The following CABP5 variants were observed in gnomAD, a reference collection of about 807,000 sequenced individuals.
CABP5 encodes calcium-binding protein 5.
Under a neutral mutation model 21.9 loss-of-function variants are expected in CABP5, and 17 were observed. The observed-to-expected ratio is 0.78, with a 90% CI of 0.53 to 1.17. CABP5 has a LOEUF of 1.17. CABP5 is among the 50% of genes most tolerant of loss of function. The pLI, the probability that CABP5 is intolerant of heterozygous loss-of-function variation, is 0.00. For synonymous variants in CABP5, 85 were observed against 79.4 expected, an observed-to-expected ratio of 1.07 and a Z score of -0.37; for missense variants, 229 against 228.9, an observed-to-expected ratio of 1.00 and a Z score of 0.00.
chr19:48,042,527 C>T (rs929951635), intron 1 of CABP5, among the ~76,000 whole-genome samples: 2 of 151,976 alleles, frequency 1.3e-5, no homozygotes, highest in Non-Finnish European at 2.9e-5. Context: ...GCTTCTCTTT[C>T]ATCTGATCCC....
intron 4 of CABP5, among the ~76,000 whole-genome samples, chr19:48,035,481 C>T (rs140650292): frequency 2.0e-3 from 306 of 152,292 alleles, no homozygotes; most frequent in Non-Finnish European, 3.2e-3. Flanking sequence ...CCTGTAGTCC[C>T]GGCTACTCGA....
At chr19:48,038,868 T>A (rs544510912) in intron 4 of CABP5, among the ~76,000 whole-genome samples, 3 of 152,124 alleles carry the variant, frequency 2.0e-5, no homozygotes, top group East Asian at 3.9e-4. Flanking sequence ...GATGGCAGGA[T>A]CTTGGATAAG....
At chr19:48,032,657 G>A (rs781135176) in intron 5 of CABP5, among the ~76,000 whole-genome samples, 1 of 132,228 alleles carries the variant, frequency 7.6e-6, no homozygotes, top group Non-Finnish European at 1.8e-5. Flanking sequence ...TTTTGAGATG[G>A]AGTCTCACTG....
chr19:48,033,617 G>T (rs1427700075), intron 5 of CABP5, among the ~76,000 whole-genome samples: 9 of 152,186 alleles, frequency 5.9e-5, no homozygotes, highest in Admixed American at 5.9e-4. Context: ...TTAGCCAGGG[G>T]AGAGGGGAAA....
chr19:48,038,924 G>A (rs1233481957), intron 4 of CABP5, among the ~76,000 whole-genome samples: 2 of 152,088 alleles, frequency 1.3e-5, no homozygotes, highest in Non-Finnish European at 2.9e-5. Context: ...GTTTAATTGG[G>A]ATACATGACT....
Position 48,034,198 on chromosome 19 carries a change from C to A in CABP5, c.496+17G>T. The A allele has an allele frequency of 6.5e-7, 1 of 1,531,918 alleles. No homozygotes were observed. Among genetic ancestry groups the A allele is most frequent in the Non-Finnish European group, 8.8e-7 (1 of 1,136,980 alleles). 94.9% of individuals were successfully genotyped at this position (1,531,918 alleles called of 1,614,324 possible). A position where few individuals can be genotyped will look rare whatever the true frequency, so the allele number is the denominator to read the frequency against. On this transcript the variant is annotated intron_variant, in intron 5 of 5. Coordinates refer to ENST00000293255, the MANE Select transcript of CABP5 (RefSeq NM_019855.5). ...CGGTGGCTGCCCCCGCTCCCCACCA[C>A]GCCCCGTCAATGTCACCTTCAAAGT... is the stretch of plus-strand genomic sequence containing the variant.
In CABP5 at chr19:48,030,350, C is replaced by G; in HGVS notation, c.*207G>C. 1 of 517,492 alleles carries G rather than the reference C, an allele frequency of 1.9e-6. No homozygotes were observed. Among genetic ancestry groups the G allele is most frequent in the Non-Finnish European group, 3.4e-6 (1 of 291,184 alleles). The allele number at this position is 517,492 out of a possible 1,614,324, so 32.1% of individuals were successfully genotyped here. ...TATTTCCATCCACAGACTCTTCCTT[C>G]TTAATCTAGTTCTGCAGACGCCCCC... On this transcript the variant is annotated 3_prime_UTR_variant, in exon 6 of 6. Coordinates refer to ENST00000293255, the MANE Select transcript of CABP5 (RefSeq NM_019855.5).
rs1383146889 is a variant in CABP5 at position 48,029,840 on chromosome 19, C to T, written c.*717G>A. The T allele has an allele frequency of 1.4e-5, 1 of 71,658 alleles. No homozygotes were observed. Among genetic ancestry groups the T allele is most frequent in the Non-Finnish European group, 3.3e-5 (1 of 30,194 alleles). 4.4% of individuals were successfully genotyped at this position (71,658 alleles called of 1,614,324 possible). A position where few individuals can be genotyped will look rare whatever the true frequency, so the allele number is the denominator to read the frequency against. ...AGAGAGAGAGAGAGAGAGAGAGAAA[C>T]CAGACAGTGCTTCCAGGAAATCAGG... On this transcript the variant is annotated 3_prime_UTR_variant, in exon 6 of 6. Transcript: ENST00000293255.
At chr19:48,040,298 G>GGA (rs2122376371) in intron 3 of CABP5, among the ~76,000 whole-genome samples, 1 of 152,314 alleles carries the variant, frequency 6.6e-6, no homozygotes, top group South Asian at 2.1e-4. Context: ...CATGAGGTAA[G>GGA]GAGAGAGGCA....
At chr19:48,043,801 C>G (rs1967514301) in intron 1 of CABP5, 59 bp downstream of exon 1, 1 of 1,369,038 alleles carries the variant, frequency 7.3e-7, no homozygotes, top group African/African-American at 1.5e-5. Context: ...CCTTCTTTGT[C>G]CCACACCCCT....
At chr19:48,036,781 A>G (rs572171385) in intron 4 of CABP5, among the ~76,000 whole-genome samples, 3 of 152,354 alleles carry the variant, frequency 2.0e-5, no homozygotes, top group Admixed American at 2.0e-4. Context: ...TGGGCAAAAG[A>G]CGTGAACAGC....
intron 1 of CABP5, 116 bp from the exon 2 acceptor site, chr19:48,041,719 C>A: frequency 1.1e-6 from 1 of 885,454 alleles, no homozygotes; most frequent in Non-Finnish European, 1.7e-6. Context: ...TCCATTCTCT[C>A]TCTCCTCCTC....
At position 48,034,252 on chromosome 19, in the gene CABP5, CT is replaced by C; in HGVS notation, c.458del (p.Glu153GlyfsTer16). The C allele has an allele frequency of 6.2e-7, 1 of 1,607,696 alleles. No homozygotes were observed. The highest frequency in any genetic ancestry group is 8.5e-7 in the Non-Finnish European group (1 of 1,177,476). ...TPREISEVVR[E>X]ADVNGDGTVD... is the part of the protein sequence containing the mutation. ...CTGTGCCGTCTCCATTAACATCAGC[CT>C]CCCGGACAACCTCAGAGATCTCCCG... On this transcript the variant is annotated frameshift_variant, in exon 5 of 6. Transcript: ENST00000293255. LOFTEE classifies it high-confidence loss of function.
chr19:48,040,785 C>T (rs372364979), intron 2 of CABP5, 37 bp from the exon 3 acceptor site: 7 of 1,610,402 alleles, frequency 4.3e-6, no homozygotes, highest in African/African-American at 2.7e-5. Context: ...GAACTTGAAG[C>T]AGTCAGTGGG....
Position 48,039,293 on chromosome 19 carries a change from T to A in CABP5, c.263A>T (p.Asp88Val), listed in dbSNP as rs991098570. 1 of 1,614,042 alleles carries A rather than the reference T, an allele frequency of 6.2e-7. No individual in the cohort carries two copies. The highest frequency in any genetic ancestry group is 1.3e-5 in the African/African-American group (1 of 74,986). ...MNLGGRVDFD[D>V]FVELMTPKLL... is the part of the protein sequence containing the mutation. The stretch of plus-strand genomic sequence containing the variant: ...TTTGGGGGTCATCAGCTCCACAAAG[T>A]CATCAAAGTCTACACGGCCACCCAC... Residue 88 changes from aspartate to valine, a missense_variant, in exon 4 of 6, where the codon GAC becomes GTC. Physicochemically the swap from Asp to Val is radical, Grantham distance 152. Coordinates refer to ENST00000293255, the MANE Select transcript of CABP5 (RefSeq NM_019855.5).
intron 5 of CABP5, among the ~76,000 whole-genome samples, chr19:48,032,720 T>C (rs1420446621): frequency 6.6e-6 from 1 of 151,410 alleles, no homozygotes; most frequent in Non-Finnish European, 1.5e-5. Context: ...AGCCTCCACC[T>C]CCTGGGTTCA....
chr19:48,043,952 C>A lies in CABP5; in HGVS notation c.-30G>T. 6.7e-7 allele frequency: 1 copy of A among 1,502,868 alleles called. No individual in the cohort carries two copies. The highest frequency in any genetic ancestry group is 8.8e-7 in the Non-Finnish European group (1 of 1,130,738). The allele number at this position is 1,502,868 out of a possible 1,614,324, so 93.1% of individuals were successfully genotyped here. ...GGGTGGGGTGGAGCTCGCAGGGCAC[C>A]AGTCTCAAGATGGCCCCTCCTCCCT... On this transcript the variant is annotated 5_prime_UTR_variant, in exon 1 of 6. Coordinates refer to ENST00000293255, the MANE Select transcript of CABP5 (RefSeq NM_019855.5).
intron 5 of CABP5, among the ~76,000 whole-genome samples, chr19:48,031,545 C>T (rs1325068604): frequency 6.6e-6 from 1 of 151,996 alleles, no homozygotes; most frequent in Non-Finnish European, 1.5e-5. Flanking sequence ...ATCTAAAAAA[C>T]AAAACCCAAA....
At chr19:48,041,999 A>C (rs2122379636) in intron 1 of CABP5, among the ~76,000 whole-genome samples, 1 of 150,320 alleles carries the variant, frequency 6.7e-6, no homozygotes, top group African/African-American at 2.5e-5. Flanking sequence ...TTTCATTTAA[A>C]CCTCAGTACT....
Sources: gnomAD v4.1 joint callset for allele counts (sites outside exome capture counted in the v4.1 genomes callset) on GRCh38, gnomAD v4.1.1 for gene constraint, MANE v1.5 for transcripts, NCBI Gene and HGNC (gene_info 2026-07-23, HGNC 2026-07-21) for gene names.